Variants in PSMC1 observed in about 807,000 individuals in gnomAD.
PSMC1 encodes proteasome 26S subunit, ATPase 1, also known as 26S proteasome regulatory subunit 4.
In PSMC1, 5 loss-of-function variants were observed where a neutral mutation model predicts 49.8. The observed-to-expected ratio is 0.10, with a 90% CI of 0.05 to 0.21. The LOEUF (loss-of-function observed/expected upper bound fraction) is 0.21. Among genes scored for constraint, PSMC1 ranks in the 10% least tolerant of loss-of-function variants. The pLI is 1.00. For synonymous variants in PSMC1, 155 were observed against 192.1 expected (o/e 0.81, Z 1.60); for missense variants, 181 against 535.7 (o/e 0.34, Z 6.54).
In PSMC1 at chr14:90,269,515, A is replaced by G; in HGVS notation, c.1000A>G (p.Ile334Val). The change falls in exon 9 of 11, where the codon ATA becomes GTA. Residue 334 changes from isoleucine (I) to valine (V), a missense_variant. By Grantham distance (29) the Ile-to-Val change is conservative (BLOSUM62 3). Transcript: ENST00000261303. ...GAAAGTTATCATGGCCACAAACCGA[A>G]TAGAAACTTTGGATCCAGCACTTAT... ...DVKVIMATNR[I>V]ETLDPALIRP... 6.2e-7 allele frequency: 1 copy of G among 1,614,016 alleles called. No homozygotes were observed. The highest frequency in any genetic ancestry group is 1.1e-5 in the South Asian group (1 of 91,044).
chr14:90,273,402 A>G lies in PSMC1; in HGVS notation c.*995A>G, dbSNP rs2139655296. 1 of 152,254 alleles carries G rather than the reference A, an allele frequency of 6.6e-6. No homozygotes were observed. The highest frequency in any genetic ancestry group is 2.1e-4 in the South Asian group (1 of 4,816). 9.4% of individuals were successfully genotyped at this position (152,254 alleles called of 1,614,324 possible). The stretch of plus-strand genomic sequence containing the variant: ...GTGAAACCCCATCTTTACTAAAAAT[A>G]CAAAAATTAGCTGTGCGTGGTGGCA... On this transcript the variant is annotated 3_prime_UTR_variant, in exon 11 of 11. Transcript: ENST00000261303.
rs147061412 is a variant in PSMC1, at chr14:90,268,375, C to A, written c.843C>A (p.Ile281=). The A allele has an allele frequency of 6.2e-7, 1 of 1,613,108 alleles. No individual in the cohort carries two copies. The highest frequency in any genetic ancestry group is 1.1e-5 in the South Asian group (1 of 90,820). The change falls in exon 8 of 11, where the codon ATC becomes ATA. Residue 281 remains isoleucine, a synonymous_variant. Transcript: ENST00000261303. ...TTGCTGAAGAACATGCACCGTCCAT[C>A]GTGTTTATTGATGAAATTGACGCCA... ...FRVAEEHAPS[I]VFIDEIDAIG... is the part of the protein sequence containing the mutation.
At position 90,272,871 on chromosome 14, in the gene PSMC1, A is replaced by C. The variant is rs1407440096; in HGVS notation, c.*464A>C. 6.5e-6 allele frequency: 1 copy of C among 152,910 alleles called. No individual in the cohort carries two copies. Among genetic ancestry groups the C allele is most frequent in the African/African-American group, 2.4e-5 (1 of 41,406 alleles). The allele number at this position is 152,910 out of a possible 1,614,324, so 9.5% of individuals were successfully genotyped here. On this transcript the variant is annotated 3_prime_UTR_variant, in exon 11 of 11. Transcript: ENST00000261303. This position sits in a 1 kb window ranked among gnomAD's most constrained non-coding sequence, Gnocchi z 4.5. ...TAATAAAGGCTGCGTTAATGTGGCTATTGCTTCCAAAGGAAGTACAGCTTT... is the reference window on the plus strand; with the variant it reads ...TAATAAAGGCTGCGTTAATGTGGCTCTTGCTTCCAAAGGAAGTACAGCTTT...
chr14:90,269,125 C>T (rs911977858), intron 8 of PSMC1: 6 of 395,104 alleles, frequency 1.5e-5, no homozygotes, highest in African/African-American at 1.2e-4. Flanking sequence ...CTGTATAAGG[C>T]TCTGCCTCAT....
In PSMC1 at chr14:90,273,708, GATT is replaced by G. The variant is rs1175125094; in HGVS notation, c.*1305_*1307del. 1.9e-5 allele frequency: 3 copies of G among 154,492 alleles called. No homozygotes were observed. 9.6% of individuals were successfully genotyped at this position (154,492 alleles called of 1,614,324 possible). A position where few individuals can be genotyped will look rare whatever the true frequency, so the allele number is the denominator to read the frequency against. On this transcript the variant is annotated 3_prime_UTR_variant, in exon 11 of 11. Coordinates refer to ENST00000261303, the MANE Select transcript of PSMC1 (RefSeq NM_002802.3). ...AGGGAGAATCCGTTTCCTTGCTGAG[GATT>G]ATTGTTGGCAGAATTTAATTTCTTG...
chr14:90,274,817 CACACACACACACACACA>C lies in PSMC1; in HGVS notation c.*2411_*2427del, dbSNP rs1891762572. ...ACACACACACACACACACACACACA[CACACACACACACACACA>C]CACACCCCAATACATATGAATTGAT... On this transcript the variant is annotated 3_prime_UTR_variant, in exon 11 of 11. Transcript: ENST00000261303. The C allele has an allele frequency of 1.2e-5, 1 of 84,438 alleles. No homozygotes were observed. The highest frequency in any genetic ancestry group is 1.2e-4 in the Admixed American group (1 of 8,220). The allele number at this position is 84,438 out of a possible 1,614,324, so 5.2% of individuals were successfully genotyped here.
chr14:90,264,006 A>G, intron 5 of PSMC1, 35 bp from the exon 6 acceptor site: 1 of 1,592,324 alleles, frequency 6.3e-7, no homozygotes, highest in East Asian at 2.2e-5. Context: ...AGCAAACCTC[A>G]CGTTCCTGTG....
rs1321483811 is a variant in PSMC1, at chr14:90,273,680, C to G, written c.*1273C>G. 6.5e-6 allele frequency: 1 copy of G among 153,480 alleles called. No individual in the cohort carries two copies. The highest frequency in any genetic ancestry group is 2.4e-5 in the African/African-American group (1 of 41,512). 9.5% of individuals were successfully genotyped at this position (153,480 alleles called of 1,614,324 possible). Reference sequence around the variant, plus strand: ...GGCAGGACCGTTCCCTCTGGCGTCTCTAAGGGAGAATCCGTTTCCTTGCTG... The same window carrying G: ...GGCAGGACCGTTCCCTCTGGCGTCTGTAAGGGAGAATCCGTTTCCTTGCTG... On this transcript the variant is annotated 3_prime_UTR_variant, in exon 11 of 11. Transcript: ENST00000261303.
At chr14:90,261,285 G>C (rs80167706) in intron 3 of PSMC1, among the ~76,000 whole-genome samples, 83,336 of 151,552 alleles carry the variant, frequency 0.55, 23,537 homozygotes, top group Middle Eastern at 0.72. Context: ...CTCCCCAAAT[G>C]CTCATCTAAA....
At chr14:90,268,626 A>G (rs1347619216) in intron 8 of PSMC1, 9 of 521,860 alleles carry the variant, frequency 1.7e-5, no homozygotes, top group Non-Finnish European at 2.7e-5. Flanking sequence ...GTTATGAATA[A>G]CCATGTCTTG....
intron 6 of PSMC1, 63 bp downstream of exon 6, chr14:90,264,232 A>G (rs1487209783): frequency 2.6e-5 from 42 of 1,592,680 alleles, no homozygotes; most frequent in Non-Finnish European, 3.5e-5. Context: ...CATTTAGGAT[A>G]CTTTGCAGGT....
chr14:90,269,723 T>C, intron 9 of PSMC1, 175 bp downstream of exon 9: 3 of 620,232 alleles, frequency 4.8e-6, no homozygotes, highest in East Asian at 2.9e-5. Context: ...GAGCATGATA[T>C]GGTCTGTGCA....
rs537915671 is a variant in PSMC1, at chr14:90,273,055, A to C, written c.*648A>C. The C allele has an allele frequency of 6.6e-6, 1 of 152,250 alleles. No individual in the cohort carries two copies. Among genetic ancestry groups the C allele is most frequent in the East Asian group, 1.9e-4 (1 of 5,162 alleles). 9.4% of individuals were successfully genotyped at this position (152,250 alleles called of 1,614,324 possible). A position where few individuals can be genotyped will look rare whatever the true frequency, so the allele number is the denominator to read the frequency against. ...CTCATCCCTTTCAAGGTGTTCAGAA[A>C]CATGTCAGAACTTCCCCTTCCCTTT... On this transcript the variant is annotated 3_prime_UTR_variant, in exon 11 of 11. Transcript: ENST00000261303.
In PSMC1 at chr14:90,272,398, G is replaced by T. The variant is rs1373211513; in HGVS notation, c.1314G>T (p.Leu438=). 1 of 1,552,996 alleles carries T rather than the reference G, an allele frequency of 6.4e-7. No individual in the cohort carries two copies. Among genetic ancestry groups the T allele is most frequent in the Non-Finnish European group, 8.7e-7 (1 of 1,145,698 alleles). Residue 438 remains leucine (L), a synonymous_variant, in exon 11 of 11, where the codon CTG becomes CTT. Transcript: ENST00000261303. The surrounding 1 kb of genome is among the most constrained non-coding windows in gnomAD (Gnocchi z 4.5). ...AACAGGAAGGCACCCCTGAGGGGCT[G>T]TATCTCTAATGAACCATGGCTGTCA... ...YKKQEGTPEG[L]YL
At chr14:90,259,277 G>A in intron 2 of PSMC1, 64 bp downstream of exon 2, 1 of 1,501,710 alleles carries the variant, frequency 6.7e-7, no homozygotes, top group East Asian at 2.3e-5. Context: ...GGTCTCGGCT[G>A]AGAAGTTCTG....
At chr14:90,262,452 A>T (rs1238387182) in intron 3 of PSMC1, among the ~76,000 whole-genome samples, 1 of 152,176 alleles carries the variant, frequency 6.6e-6, no homozygotes, top group Non-Finnish European at 1.5e-5. Context: ...AGGGAAGAAG[A>T]CAGTTTTTGA....
intron 7 of PSMC1, among the ~76,000 whole-genome samples, chr14:90,266,637 C>T (rs898078255): frequency 1.3e-5 from 2 of 152,128 alleles, no homozygotes; most frequent in African/African-American, 4.8e-5. Flanking sequence ...AAAGGGGCTG[C>T]GGTACAGGGC....
intron 7 of PSMC1, 195 bp from the exon 8 acceptor site, chr14:90,268,029 T>C: frequency 4.0e-6 from 2 of 506,266 alleles, no homozygotes; most frequent in Non-Finnish European, 6.9e-6. Flanking sequence ...AATCCAAACA[T>C]GTTAGTAGAT....
chr14:90,268,434 T>G (rs1319605025), intron 8 of PSMC1, 21 bp downstream of exon 8: 1 of 1,612,532 alleles, frequency 6.2e-7, no homozygotes, highest in South Asian at 1.1e-5. Context: ...TCATACTTAT[T>G]TTGCCTTGTT....
Sources: gnomAD v4.1 joint callset for allele counts (sites outside exome capture counted in the v4.1 genomes callset) on GRCh38, gnomAD v4.1.1 for gene constraint, Gnocchi (gnomAD v3.1) non-coding constraint, MANE v1.5 for transcripts, NCBI Gene and HGNC (gene_info 2026-07-23, HGNC 2026-07-21) for gene names.